The following CADM2 variants were observed in gnomAD, a reference collection of about 807,000 sequenced individuals.
CADM2 encodes cell adhesion molecule 2, also known as immunoglobulin superfamily member 4D.
Under a neutral mutation model 49.8 loss-of-function variants are expected in CADM2, and 12 were observed. The ratio of observed to expected loss-of-function variants is 0.24; its 90% CI spans 0.15 to 0.39. The LOEUF is 0.39. Ranked by LOEUF, CADM2 falls within the 10% of genes least tolerant of loss-of-function variation. The pLI is 1.00. For missense variants in CADM2, 378 were observed against 492.3 expected (o/e 0.77, Z 2.20); for synonymous variants, 214 against 175.4 (o/e 1.22, Z -1.74).
At chr3:85,280,577 T>A (rs577568401) in intron 1 of CADM2, among the ~76,000 whole-genome samples, 1 of 151,910 alleles carries the variant, frequency 6.6e-6, no homozygotes, top group African/African-American at 2.4e-5. Context: ...CTGGATCCGG[T>A]TATCCACGTC....
chr3:85,534,130 AT>A (rs907538888), intron 1 of CADM2, among the ~76,000 whole-genome samples: 14 of 151,524 alleles, frequency 9.2e-5, no homozygotes, highest in South Asian at 2.1e-4. Context: ...GAAAATAATA[AT>A]TTTTTTTTAA....
At chr3:85,549,615 T>G (rs572102604) in intron 1 of CADM2, among the ~76,000 whole-genome samples, 89 of 152,096 alleles carry the variant, frequency 5.9e-4, no homozygotes, top group Non-Finnish European at 1.1e-3. Context: ...ATTAATATAT[T>G]TAAAGGTATT....
At chr3:85,036,391 AT>A (rs1444387321) in intron 1 of CADM2, among the ~76,000 whole-genome samples, 12 of 152,210 alleles carry the variant, frequency 7.9e-5, no homozygotes, top group Admixed American at 6.5e-4. Flanking sequence ...GAGGAAAAAA[AT>A]AACTTAACGA....
intron 6 of CADM2, among the ~76,000 whole-genome samples, chr3:85,927,832 TTTTTA>T (rs1720072955): frequency 7.5e-6 from 1 of 133,912 alleles, no homozygotes; most frequent in African/African-American, 2.5e-5. Flanking sequence ...AATACGTTGT[TTTTTA>T]TTTTATTTTT....
At chr3:85,594,371 C>T (rs1264706396) in intron 1 of CADM2, among the ~76,000 whole-genome samples, 2 of 151,412 alleles carry the variant, frequency 1.3e-5, no homozygotes, top group Non-Finnish European at 2.9e-5. Flanking sequence ...TTTATTTAAA[C>T]AAAATATTGA....
chr3:85,490,490 A>G (rs1576647092), intron 1 of CADM2, among the ~76,000 whole-genome samples: 1 of 152,118 alleles, frequency 6.6e-6, no homozygotes, highest in African/African-American at 2.4e-5. Flanking sequence ...AGGCCAAGGT[A>G]GAAGGATTGC....
In CADM2 at chr3:85,550,029, T is replaced by C. The variant is rs577546016; in HGVS notation, c.62-176493T>C. Among the ~76,000 whole-genome samples the C allele has an allele frequency of 2.0e-5, 3 of 152,282 alleles. No homozygotes were observed. In the East Asian group the frequency reaches 5.8e-4, roughly 29 times the overall value. On this transcript the variant is annotated intron_variant, in intron 1 of 9. Coordinates refer to ENST00000383699, the MANE Select transcript of CADM2 (RefSeq NM_001167675.2). The stretch of plus-strand genomic sequence containing the variant: ...AGATATTGTACTATGTGACATAATA[T>C]AATTTATTTCATAATCCCAACACTC...
At chr3:85,149,750 G>A (rs937985809) in intron 1 of CADM2, among the ~76,000 whole-genome samples, 2 of 152,056 alleles carry the variant, frequency 1.3e-5, no homozygotes, top group African/African-American at 4.8e-5. Flanking sequence ...TTAATAAATT[G>A]TAGCGTTATA....
intron 1 of CADM2, among the ~76,000 whole-genome samples, chr3:85,227,119 T>G (rs2107804150): frequency 6.6e-6 from 1 of 152,200 alleles, no homozygotes; most frequent in East Asian, 1.9e-4. Context: ...GGGTGTAGAG[T>G]TCTGTAGATG....
At position 85,371,661 on chromosome 3, in the gene CADM2, A is replaced by G. The variant is rs750992853; in HGVS notation, c.62-354861A>G. Reference sequence around the variant, plus strand: ...TGTGTGTGCATGGGGATATATATATATGTGTGTGTGTGTGTGTATATATAT... The same window carrying G: ...TGTGTGTGCATGGGGATATATATATGTGTGTGTGTGTGTGTGTATATATAT... On this transcript the variant is annotated intron_variant, in intron 1 of 9. Transcript: ENST00000383699. Among the ~76,000 whole-genome samples, 389 of 53,482 alleles carry G rather than the reference A, an allele frequency of 7.3e-3. 10 individuals are homozygous for G. The highest frequency in any genetic ancestry group is 0.016 in the African/African-American group (268 of 16,400). 35.1% of individuals were successfully genotyped at this position (53,482 alleles called of 152,430 possible).
At chr3:85,871,777 G>A (rs1263841745) in intron 3 of CADM2, among the ~76,000 whole-genome samples, 1 of 152,052 alleles carries the variant, frequency 6.6e-6, no homozygotes, top group Non-Finnish European at 1.5e-5. Context: ...CATCTTTGAT[G>A]AGACATTAGG....
chr3:85,321,091 C>CATATATATATAT lies in CADM2; in HGVS notation c.61+361438_61+361449dup, dbSNP rs1227890094. ...TAAATGTACTCATAATAGATATATA[C>CATATATATATAT]ATATATATATATATATATATATATA... is the stretch of plus-strand genomic sequence containing the variant. On this transcript the variant is annotated intron_variant, in intron 1 of 9. Coordinates refer to ENST00000383699, the MANE Select transcript of CADM2 (RefSeq NM_001167675.2). Among the ~76,000 whole-genome samples, 143 of 64,760 alleles carry CATATATATATAT rather than the reference C, an allele frequency of 2.2e-3. 3 individuals are homozygous for CATATATATATAT. The highest frequency in any genetic ancestry group is 2.9e-3 in the African/African-American group (48 of 16,730). The allele number at this position is 64,760 out of a possible 152,430, so 42.5% of individuals were successfully genotyped here.
At chr3:84,998,674 A>G (rs1420990899) in intron 1 of CADM2, among the ~76,000 whole-genome samples, 1 of 152,130 alleles carries the variant, frequency 6.6e-6, no homozygotes, top group South Asian at 2.1e-4. Flanking sequence ...TGGATTTCTC[A>G]GGCTTGGTAA....
At chr3:85,297,192 A>G (rs752037711) in intron 1 of CADM2, among the ~76,000 whole-genome samples, 6 of 152,084 alleles carry the variant, frequency 3.9e-5, no homozygotes, top group Non-Finnish European at 7.4e-5. Flanking sequence ...CAGATAAGTT[A>G]AGTAATTTGT....
intron 1 of CADM2, among the ~76,000 whole-genome samples, chr3:85,586,697 C>G (rs959007244): frequency 6.6e-6 from 1 of 152,010 alleles, no homozygotes; most frequent in Non-Finnish European, 1.5e-5. Context: ...TTTACCATTC[C>G]TTTTAATGAA....
chr3:85,741,475 C>T (rs1049115878), intron 2 of CADM2, among the ~76,000 whole-genome samples: 1 of 152,092 alleles, frequency 6.6e-6, no homozygotes, highest in African/African-American at 2.4e-5. Flanking sequence ...CGAGACAATC[C>T]TAGCCAACAT....
At chr3:85,212,848 T>TTCTTTCTTTC (rs2041819012) in intron 1 of CADM2, among the ~76,000 whole-genome samples, 1 of 116,012 alleles carries the variant, frequency 8.6e-6, no homozygotes, top group South Asian at 2.8e-4. Flanking sequence ...CTTTCTTTCT[T>TTCTTTCTTTC]TCTTTCTTTC....
At chr3:85,761,624 C>T (rs2069386080) in intron 2 of CADM2, among the ~76,000 whole-genome samples, 1 of 152,046 alleles carries the variant, frequency 6.6e-6, no homozygotes, top group African/African-American at 2.4e-5. Context: ...ATCCACCCAC[C>T]TCAGCCTCCC....
intron 7 of CADM2, among the ~76,000 whole-genome samples, chr3:85,939,642 C>T (rs1007306068): frequency 1.6e-4 from 25 of 151,518 alleles, no homozygotes; most frequent in African/African-American, 5.1e-4. Flanking sequence ...AAAAGTGATG[C>T]GACATTTTCA....
Sources: gnomAD v4.1 joint callset for allele counts (sites outside exome capture counted in the v4.1 genomes callset) on GRCh38, gnomAD v4.1.1 for gene constraint, MANE v1.5 for transcripts, NCBI Gene and HGNC (gene_info 2026-07-23, HGNC 2026-07-21) for gene names.